F13A1: variants seen among roughly 807,000 people sequenced by gnomAD.
F13A1 encodes FSF, A subunit.
Under a neutral mutation model 80.1 loss-of-function variants are expected in F13A1, and 47 were observed. The ratio of observed to expected loss-of-function variants is 0.59; its 90% CI spans 0.46 to 0.75. The LOEUF is 0.75. Ranked by LOEUF, F13A1 falls within the 30% of genes least tolerant of loss-of-function variation. F13A1 has a pLI of 0.00. For synonymous variants in F13A1, 349 were observed against 344.9 expected (o/e 1.01, Z -0.13); for missense variants, 817 against 930.4 (o/e 0.88, Z 1.59).
chr6:6,250,071 G>A lies in F13A1; in HGVS notation c.690+740C>T, dbSNP rs1757609635. ...ATTCCATGAAAACTCCCTGCTGGAT[G>A]CCCAGCGCAATGATGCACAGTTCCA... On this transcript the variant is annotated intron_variant, in intron 5 of 14. Coordinates refer to ENST00000264870, the MANE Select transcript of F13A1 (RefSeq NM_000129.4). The surrounding 1 kb of genome is among the most constrained non-coding windows in gnomAD (Gnocchi z 4.2). Among the ~76,000 whole-genome samples, 1 of 152,122 alleles carries A rather than the reference G, an allele frequency of 6.6e-6. No homozygotes were observed. Among genetic ancestry groups the A allele is most frequent in the African/African-American group, 2.4e-5 (1 of 41,424 alleles).
At chr6:6,279,143 G>A (rs1758027531) in intron 3 of F13A1, among the ~76,000 whole-genome samples, 1 of 152,172 alleles carries the variant, frequency 6.6e-6, no homozygotes, top group African/African-American at 2.4e-5. Context: ...GTTGGAAATA[G>A]GGAAACTTGC....
At chr6:6,270,146 G>T (rs753729584) in intron 3 of F13A1, among the ~76,000 whole-genome samples, 14 of 152,164 alleles carry the variant, frequency 9.2e-5, no homozygotes, top group Non-Finnish European at 1.8e-4. Flanking sequence ...GGTCTGCAAC[G>T]CCTAACACAG....
chr6:6,167,669 C>T, intron 12 of F13A1, 51 bp from the exon 13 acceptor site: 1 of 1,600,904 alleles, frequency 6.2e-7, no homozygotes, highest in South Asian at 1.1e-5. Context: ...GAGACAGGGT[C>T]TGCTTTACTT....
At chr6:6,161,021 A>G (rs921097737) in intron 13 of F13A1, among the ~76,000 whole-genome samples, 2 of 152,116 alleles carry the variant, frequency 1.3e-5, no homozygotes, top group African/African-American at 4.8e-5. Context: ...AGGCTGCAGG[A>G]CTTTTTCCAC....
intron 2 of F13A1, among the ~76,000 whole-genome samples, chr6:6,307,782 A>AT (rs763038876): frequency 2.8e-4 from 42 of 152,186 alleles, no homozygotes; most frequent in African/African-American, 8.9e-4. Context: ...CAGGGAACTC[A>AT]TTTTTTCATA....
chr6:6,272,181 TG>T (rs1757930227), intron 3 of F13A1, among the ~76,000 whole-genome samples: 2 of 152,210 alleles, frequency 1.3e-5, no homozygotes, highest in Non-Finnish European at 2.9e-5. Flanking sequence ...AAGAATTCAT[TG>T]CCTTTTAAAA....
chr6:6,295,179 A>G (rs1758303587), intron 3 of F13A1, among the ~76,000 whole-genome samples: 1 of 146,150 alleles, frequency 6.8e-6, no homozygotes. Flanking sequence ...AGTCTTTGCT[A>G]TTGTGAATAA....
intron 4 of F13A1, among the ~76,000 whole-genome samples, chr6:6,253,165 AG>A (rs1224352063): frequency 0.028 from 2,168 of 77,310 alleles, 20 homozygotes; most frequent in African/African-American, 0.09. Context: ...AAAAAAAAAG[AG>A]AGAGAGAGAG....
chr6:6,187,529 GA>G (rs1554099494), intron 10 of F13A1, among the ~76,000 whole-genome samples: 1 of 104,626 alleles, frequency 9.6e-6, no homozygotes, highest in Non-Finnish European at 1.9e-5. Flanking sequence ...TACATTTATT[GA>G]TTTGCGTATA....
intron 13 of F13A1, among the ~76,000 whole-genome samples, chr6:6,166,974 C>T (rs888251068): frequency 9.9e-5 from 15 of 152,206 alleles, no homozygotes; most frequent in Non-Finnish European, 2.9e-5. Flanking sequence ...TTGCAAGGCA[C>T]ACGCACATAC....
intron 8 of F13A1, among the ~76,000 whole-genome samples, chr6:6,199,884 A>T (rs143149222): frequency 0.013 from 1,960 of 152,258 alleles, 50 homozygotes; most frequent in African/African-American, 0.045. Context: ...AGCACCATGG[A>T]GAGGGAGAGA....
intron 3 of F13A1, among the ~76,000 whole-genome samples, chr6:6,304,915 A>G (rs185314860): frequency 1.1e-3 from 172 of 150,972 alleles, no homozygotes; most frequent in African/African-American, 3.7e-3. Context: ...AGTGAAGTTT[A>G]TTGGACTATA....
chr6:6,268,273 G>A (rs994365572), intron 3 of F13A1, among the ~76,000 whole-genome samples: 1 of 152,180 alleles, frequency 6.6e-6, no homozygotes, highest in Admixed American at 6.5e-5. Context: ...GGCTTACCAT[G>A]TTCTTATTAC....
chr6:6,198,407 T>C (rs1169470883), intron 8 of F13A1, among the ~76,000 whole-genome samples: 3 of 152,170 alleles, frequency 2.0e-5, no homozygotes, highest in Non-Finnish European at 4.4e-5. Flanking sequence ...TAAAGAAAGA[T>C]TTAATAATGT....
chr6:6,251,863 A>T (rs1047387663), intron 4 of F13A1, among the ~76,000 whole-genome samples: 6 of 152,240 alleles, frequency 3.9e-5, no homozygotes, highest in African/African-American at 1.4e-4. Flanking sequence ...GAGACTGATA[A>T]AACGTGAACC....
At chr6:6,302,558 C>A (rs917552223) in intron 3 of F13A1, among the ~76,000 whole-genome samples, 1 of 152,124 alleles carries the variant, frequency 6.6e-6, no homozygotes, top group Non-Finnish European at 1.5e-5. Flanking sequence ...AAAAATGGTA[C>A]ACCTGCATAG....
At chr6:6,283,044 AT>A (rs1483152107) in intron 3 of F13A1, among the ~76,000 whole-genome samples, 1 of 152,218 alleles carries the variant, frequency 6.6e-6, no homozygotes, top group Non-Finnish European at 1.5e-5. Flanking sequence ...AGTTAACATC[AT>A]CAGTAATGGG....
At chr6:6,178,725 G>A (rs946138825) in intron 11 of F13A1, among the ~76,000 whole-genome samples, 1 of 152,086 alleles carries the variant, frequency 6.6e-6, no homozygotes, top group Non-Finnish European at 1.5e-5. Flanking sequence ...AAAGCTTATA[G>A]TCAAAAAGAG....
chr6:6,272,406 G>T (rs969534716), intron 3 of F13A1, among the ~76,000 whole-genome samples: 1 of 152,074 alleles, frequency 6.6e-6, no homozygotes, highest in Non-Finnish European at 1.5e-5. Context: ...ATCAAGGAGG[G>T]TTGGTATCAG....
Sources: allele counts gnomAD v4.1 joint callset (sites outside exome capture counted in the v4.1 genomes callset), GRCh38; gene constraint gnomAD v4.1.1; non-coding constraint Gnocchi (gnomAD v3.1); transcripts MANE v1.5; gene names NCBI Gene and HGNC (gene_info 2026-07-23, HGNC 2026-07-21).